Variants in USP6NL observed in about 807,000 individuals in gnomAD.
The protein encoded by USP6NL is USP6 N-terminal like.
In USP6NL, 26 loss-of-function variants were observed where a neutral mutation model predicts 61.9. That is an observed-to-expected ratio of 0.42 (90% CI 0.31 to 0.58). The LOEUF (loss-of-function observed/expected upper bound fraction) is 0.58. USP6NL is among the 20% of genes least tolerant of loss of function. USP6NL has a pLI of 0.16. For missense variants in USP6NL, 1,114 were observed against 1,034.3 expected, an observed-to-expected ratio of 1.08 and a Z score of -1.06; for synonymous variants, 432 against 390.1, an observed-to-expected ratio of 1.11 and a Z score of -1.27.
chr10:11,490,914 G>A lies in USP6NL; in HGVS notation c.495-34C>T, dbSNP rs760843050. On this transcript the variant is annotated intron_variant, in intron 8 of 14. Coordinates refer to ENST00000609104, the MANE Select transcript of USP6NL (RefSeq NM_014688.5). The surrounding 1 kb of genome is among the most constrained non-coding windows in gnomAD (Gnocchi z 4.5). Reference sequence around the variant, plus strand: ...AAAAATTTACATTAAATACAATTTAGTAATTTCACATATTTTAAAAATTAC... The same window carrying A: ...AAAAATTTACATTAAATACAATTTAATAATTTCACATATTTTAAAAATTAC... 8 of 1,492,516 alleles carry A rather than the reference G, an allele frequency of 5.4e-6. No individual in the cohort carries two copies. The highest frequency in any genetic ancestry group is 2.6e-5 in the South Asian group (2 of 75,876). 92.5% of individuals were successfully genotyped at this position (1,492,516 alleles called of 1,614,324 possible).
rs1342750915 is a variant in USP6NL, at chr10:11,496,653, A to G, written c.385-3425T>C. On this transcript the variant is annotated intron_variant, in intron 7 of 14. Transcript: ENST00000609104. The surrounding 1 kb of genome is among the most constrained non-coding windows in gnomAD (Gnocchi z 5.4). Reference sequence around the variant, plus strand: ...TTATATACATATGTTATATTGACCTATTTACCATGTACTGGTAATACGGAC... The same window carrying G: ...TTATATACATATGTTATATTGACCTGTTTACCATGTACTGGTAATACGGAC... 3.9e-5 allele frequency among the ~76,000 whole-genome samples: 6 copies of G among 152,154 alleles called. No individual in the cohort carries two copies. The highest frequency in any genetic ancestry group is 2.1e-4 in the South Asian group (1 of 4,832).
chr10:11,506,211 T>C (rs1834425159), intron 6 of USP6NL, among the ~76,000 whole-genome samples: 1 of 152,246 alleles, frequency 6.6e-6, no homozygotes, highest in South Asian at 2.1e-4. Flanking sequence ...GTCCATTCAA[T>C]TATTTGACCA....
At chr10:11,539,418 T>A in intron 2 of USP6NL, among the ~76,000 whole-genome samples, 1 of 152,266 alleles carries the variant, frequency 6.6e-6, no homozygotes, top group Non-Finnish European at 1.5e-5. Context: ...TATCACTTAG[T>A]GACTCCCTGG....
chr10:11,489,124 T>A lies in USP6NL; in HGVS notation c.642A>T (p.Ser214=). 6.2e-7 allele frequency: 1 copy of A among 1,613,948 alleles called. No individual in the cohort carries two copies. Among genetic ancestry groups the A allele is most frequent in the Non-Finnish European group, 8.5e-7 (1 of 1,179,838 alleles). The change falls in exon 10 of 15, where the codon TCA becomes TCT. Residue 214 remains serine (S), a synonymous_variant. Transcript: ENST00000609104. The surrounding 1 kb of genome is among the most constrained non-coding windows in gnomAD (Gnocchi z 5.7). ...DAFWALVKLF[S]GPKHAMHGFF... The stretch of plus-strand genomic sequence containing the variant: ...TACCATGCATGGCATGTTTAGGGCC[T>A]GAGAAGAGTTTGACCAGGGCCCAGA...
In USP6NL at chr10:11,470,973, C is replaced by G. The variant is rs192945693; in HGVS notation, c.1079-7124G>C. On this transcript the variant is annotated intron_variant, in intron 14 of 14. Coordinates refer to ENST00000609104, the MANE Select transcript of USP6NL (RefSeq NM_014688.5). The surrounding 1 kb of genome is among the most constrained non-coding windows in gnomAD (Gnocchi z 5.4). ...GGCCGAGGTGGGCGGATCACGAGGT[C>G]AGGAGATGGAGACCATCCCGGCCAA... 6.6e-5 allele frequency among the ~76,000 whole-genome samples: 10 copies of G among 152,314 alleles called. No individual in the cohort carries two copies. In the East Asian group the frequency reaches 1.9e-3, roughly 29 times the overall value.
In USP6NL at chr10:11,511,078, GA is replaced by G. The variant is rs1465130299; in HGVS notation, c.196-1404del. ...ACCTAAAAGTACATAAAATTCCAAA[GA>G]AAATCCTGAATTTAGGAAAAGTTAT... On this transcript the variant is annotated intron_variant, in intron 5 of 14. Transcript: ENST00000609104. This position sits in a 1 kb window ranked among gnomAD's most constrained non-coding sequence, Gnocchi z 4.9. 6.6e-6 allele frequency among the ~76,000 whole-genome samples: 1 copy of G among 152,110 alleles called. No homozygotes were observed. The highest frequency in any genetic ancestry group is 2.4e-5 in the African/African-American group (1 of 41,424).
rs374610822 is a variant in USP6NL at position 11,606,322 on chromosome 10, T to C, written c.-84+5121A>G. On this transcript the variant is annotated intron_variant, in intron 1 of 14. Coordinates refer to ENST00000609104, the MANE Select transcript of USP6NL (RefSeq NM_014688.5). ...ACAAACAAGTTAGAAAACTTGTCAA[T>C]ATTACATCCACTCTGAAGAAATACT... Among the ~76,000 whole-genome samples the C allele has an allele frequency of 2.6e-5, 4 of 152,298 alleles. No individual in the cohort carries two copies. In the East Asian group the frequency reaches 7.7e-4, roughly 29 times the overall value.
rs1454973444 is a variant in USP6NL, at chr10:11,513,375, G to A, written c.196-3700C>T. On this transcript the variant is annotated intron_variant, in intron 5 of 14. Coordinates refer to ENST00000609104, the MANE Select transcript of USP6NL (RefSeq NM_014688.5). This position sits in a 1 kb window ranked among gnomAD's most constrained non-coding sequence, Gnocchi z 4.7. ...CATCATGCGGGTAACACTTTTCAAA[G>A]TGTTGCCAAAAGGCAGAGCTGCTGA... Among the ~76,000 whole-genome samples the A allele has an allele frequency of 6.6e-6, 1 of 152,224 alleles. No homozygotes were observed. Among genetic ancestry groups the A allele is most frequent in the Non-Finnish European group, 1.5e-5 (1 of 68,036 alleles).
At chr10:11,536,026 G>A (rs934936986) in intron 2 of USP6NL, among the ~76,000 whole-genome samples, 1 of 152,130 alleles carries the variant, frequency 6.6e-6, no homozygotes, top group African/African-American at 2.4e-5. Context: ...TAACATCAAA[G>A]CACAACTAAA....
chr10:11,525,601 G>T lies in USP6NL; in HGVS notation c.73-133C>A. The T allele has an allele frequency of 1.3e-6, 1 of 757,092 alleles. No individual in the cohort carries two copies. Among genetic ancestry groups the T allele is most frequent in the South Asian group, 2.5e-5 (1 of 39,586 alleles). 46.9% of individuals were successfully genotyped at this position (757,092 alleles called of 1,614,324 possible). On this transcript the variant is annotated intron_variant, in intron 3 of 14. Coordinates refer to ENST00000609104, the MANE Select transcript of USP6NL (RefSeq NM_014688.5). This position sits in a 1 kb window ranked among gnomAD's most constrained non-coding sequence, Gnocchi z 5.0. ...ATAAGAGCTGGAAGTGAGGCATTAT[G>T]AGCCTTAACATTTTTTTTTCCCCTT...
intron 2 of USP6NL, among the ~76,000 whole-genome samples, chr10:11,535,880 A>C (rs929462252): frequency 2.0e-5 from 3 of 152,222 alleles, no homozygotes; most frequent in Non-Finnish European, 4.4e-5. Context: ...AGATTAAGAT[A>C]TATTAAGAAT....
chr10:11,492,100 G>T (rs1210761475), intron 8 of USP6NL, among the ~76,000 whole-genome samples: 1 of 152,184 alleles, frequency 6.6e-6, no homozygotes, highest in Non-Finnish European at 1.5e-5. Context: ...GCAGAAGTGT[G>T]ATCATCTCCC....
Position 11,515,971 on chromosome 10 carries a change from T to C in USP6NL, c.195+2564A>G, listed in dbSNP as rs560274906. ...AATATCCTATACACCATGCAAAAGA[T>C]TGCACTACATGAAGGGATAGCTGAA... On this transcript the variant is annotated intron_variant, in intron 5 of 14. Coordinates refer to ENST00000609104, the MANE Select transcript of USP6NL (RefSeq NM_014688.5). Among the ~76,000 whole-genome samples, 10 of 152,314 alleles carry C rather than the reference T, an allele frequency of 6.6e-5. No individual in the cohort carries two copies. The South Asian group carries it at 2.1e-3, about 32-fold the overall frequency.
chr10:11,504,159 T>G (rs1423794314), intron 6 of USP6NL, among the ~76,000 whole-genome samples: 1 of 152,056 alleles, frequency 6.6e-6, no homozygotes, highest in South Asian at 2.1e-4. Context: ...AAATAAAAAT[T>G]TTCTAATTAT....
At chr10:11,577,934 A>C (rs1034093899) in intron 2 of USP6NL, among the ~76,000 whole-genome samples, 1 of 151,654 alleles carries the variant, frequency 6.6e-6, no homozygotes, top group Non-Finnish European at 1.5e-5. Flanking sequence ...TAAAAGAAAA[A>C]AAAATACAGG....
intron 2 of USP6NL, among the ~76,000 whole-genome samples, chr10:11,547,611 C>G (rs1327043115): frequency 2.0e-5 from 3 of 151,014 alleles, no homozygotes; most frequent in South Asian, 4.2e-4. Context: ...ACGATCTCAG[C>G]TCACTGCAAG....
At chr10:11,558,483 T>C (rs531418676) in intron 2 of USP6NL, among the ~76,000 whole-genome samples, 22 of 152,304 alleles carry the variant, frequency 1.4e-4, no homozygotes, top group Admixed American at 1.4e-3. Context: ...AATCTGGACA[T>C]CTACACCTGA....
rs1019015580 is a variant in USP6NL, at chr10:11,589,909, T to C, written c.4+7722A>G. On this transcript the variant is annotated intron_variant, in intron 2 of 14. Transcript: ENST00000609104. The surrounding 1 kb of genome is among the most constrained non-coding windows in gnomAD (Gnocchi z 4.7). ...GGTACCAAGGCAATGCCAGGGGAAG[T>C]CAGTTTCTAAATTCAGAGGGAAAAG... is the stretch of plus-strand genomic sequence containing the variant. 6.6e-6 allele frequency among the ~76,000 whole-genome samples: 1 copy of C among 151,980 alleles called. No homozygotes were observed. Among genetic ancestry groups the C allele is most frequent in the Non-Finnish European group, 1.5e-5 (1 of 67,996 alleles).
In USP6NL at chr10:11,478,177, G is replaced by A. The variant is rs547351693; in HGVS notation, c.1078+3593C>T. Among the ~76,000 whole-genome samples the A allele has an allele frequency of 5.8e-4, 89 of 152,322 alleles. No homozygotes were observed. The highest frequency in any genetic ancestry group is 1.2e-3 in the Non-Finnish European group (79 of 68,030). On this transcript the variant is annotated intron_variant, in intron 14 of 14. Transcript: ENST00000609104. This position sits in a 1 kb window ranked among gnomAD's most constrained non-coding sequence, Gnocchi z 6.8. ...AAGATACAACTATCCCCCATAGGAC[G>A]TGGCACCCCTGCTTTGACTCTGTTT... is the stretch of plus-strand genomic sequence containing the variant.
Sources: allele counts gnomAD v4.1 joint callset (sites outside exome capture counted in the v4.1 genomes callset), GRCh38; gene constraint gnomAD v4.1.1; non-coding constraint Gnocchi (gnomAD v3.1); transcripts MANE v1.5; gene names NCBI Gene and HGNC (gene_info 2026-07-23, HGNC 2026-07-21).